MSRA: variants seen among roughly 807,000 people sequenced by gnomAD.
MSRA encodes mitochondrial peptide methionine sulfoxide reductase.
MSRA carries 54 observed loss-of-function variants against 31.3 expected under a neutral mutation model. That is an observed-to-expected ratio of 1.73 (90% CI 1.39 to 2.17). MSRA has a LOEUF of 2.17. Ranked by LOEUF, MSRA falls within the 30% of genes most tolerant of loss-of-function variation. The pLI is 0.00. For synonymous variants in MSRA, 169 were observed against 116.5 expected (o/e 1.45, Z -2.90); for missense variants, 507 against 300.9 (o/e 1.69, Z -5.07).
chr8:10,185,986 G>A (rs2129051779), intron 1 of MSRA, among the ~76,000 whole-genome samples: 1 of 152,148 alleles, frequency 6.6e-6, no homozygotes, highest in South Asian at 2.1e-4. Flanking sequence ...GGAACCCATG[G>A]GAGCTGCACA....
intron 5 of MSRA, among the ~76,000 whole-genome samples, chr8:10,358,565 CTTTT>C (rs59106668): frequency 3.1e-5 from 2 of 64,002 alleles, no homozygotes; most frequent in Non-Finnish European, 2.6e-5. Flanking sequence ...GCATTAGATT[CTTTT>C]TTTTTTTTTT....
At chr8:10,422,718 G>A (rs7831557) in intron 5 of MSRA, among the ~76,000 whole-genome samples, 59,298 of 152,144 alleles carry the variant, frequency 0.39, 13,233 homozygotes, top group Non-Finnish European at 0.51. Context: ...TGTGAGACTG[G>A]CTGTCAGTAC....
intron 1 of MSRA, among the ~76,000 whole-genome samples, chr8:10,151,665 CAA>C (rs1176614704): frequency 2.0e-5 from 3 of 152,042 alleles, no homozygotes; most frequent in Non-Finnish European, 4.4e-5. Context: ...CAAAACAAAA[CAA>C]AGAGAACATT....
At chr8:10,390,036 C>G (rs1298203262) in intron 5 of MSRA, among the ~76,000 whole-genome samples, 1 of 152,222 alleles carries the variant, frequency 6.6e-6, no homozygotes, top group Non-Finnish European at 1.5e-5. Flanking sequence ...CCCGAGCCCA[C>G]TCCCCATGTG....
chr8:10,354,731 AAT>A (rs1287058383), intron 5 of MSRA, among the ~76,000 whole-genome samples: 4 of 121,430 alleles, frequency 3.3e-5, no homozygotes, highest in African/African-American at 5.9e-5. Context: ...CCAGTTATGT[AAT>A]ATGTGTGTGT....
chr8:10,247,918 G>C (rs567552507), intron 3 of MSRA, among the ~76,000 whole-genome samples: 12 of 152,094 alleles, frequency 7.9e-5, no homozygotes, highest in Non-Finnish European at 1.5e-5. Context: ...AAGGTCCCTC[G>C]CTAGAGTAAT....
chr8:10,427,653 A>G (rs957799495), intron 5 of MSRA, among the ~76,000 whole-genome samples: 8 of 152,108 alleles, frequency 5.3e-5, no homozygotes, highest in Non-Finnish European at 8.8e-5. Flanking sequence ...TGGTGGGCAG[A>G]TGCGATAGTG....
intron 1 of MSRA, among the ~76,000 whole-genome samples, chr8:10,152,359 C>T (rs564882110): frequency 6.6e-6 from 1 of 152,228 alleles, no homozygotes; most frequent in East Asian, 1.9e-4. Flanking sequence ...TTTTATGACT[C>T]AGAGGGAATG....
rs1267162779 is a variant in MSRA, at chr8:10,054,445, C to A, written c.-72C>A. On this transcript the variant is annotated 5_prime_UTR_variant, in exon 1 of 6. The change creates a new upstream start codon in the 5' untranslated region. Coordinates refer to ENST00000317173, the MANE Select transcript of MSRA (RefSeq NM_012331.5). ...CGGTTCCGGCCGCGGACCCCACTCT[C>A]TGCCGTTCCGGCTGCGGCTCCGCTG... 41 of 1,426,108 alleles carry A rather than the reference C, an allele frequency of 2.9e-5. No homozygotes were observed. Among genetic ancestry groups the A allele is most frequent in the Non-Finnish European group, 3.8e-5 (41 of 1,072,194 alleles). 88.3% of individuals were successfully genotyped at this position (1,426,108 alleles called of 1,614,324 possible).
intron 5 of MSRA, among the ~76,000 whole-genome samples, chr8:10,406,475 A>G (rs1248499770): frequency 1.3e-5 from 2 of 152,172 alleles, no homozygotes; most frequent in South Asian, 2.1e-4. Context: ...CTTTCAGGTA[A>G]TGAAAGCAAA....
chr8:10,341,112 A>G (rs2129150523), intron 5 of MSRA, among the ~76,000 whole-genome samples: 1 of 152,356 alleles, frequency 6.6e-6, no homozygotes, highest in East Asian at 1.9e-4. Flanking sequence ...GGGTGGGGCC[A>G]GGAAATATGA....
At chr8:10,380,859 C>A (rs1049636661) in intron 5 of MSRA, among the ~76,000 whole-genome samples, 32 of 141,978 alleles carry the variant, frequency 2.3e-4, no homozygotes, top group Non-Finnish European at 3.0e-4. Context: ...GGCTGGCTGG[C>A]TGGATGGCTG....
At position 10,283,826 on chromosome 8, in the gene MSRA, T is replaced by C. The variant is rs1387335439; in HGVS notation, c.332-17708T>C. Among the ~76,000 whole-genome samples, 245 of 68,390 alleles carry C rather than the reference T, an allele frequency of 3.6e-3. 1 individual carries two copies. The highest frequency in any genetic ancestry group is 0.012 in the African/African-American group (213 of 18,420). The allele number at this position is 68,390 out of a possible 152,430, so 44.9% of individuals were successfully genotyped here. On this transcript the variant is annotated intron_variant, in intron 3 of 5. Coordinates refer to ENST00000317173, the MANE Select transcript of MSRA (RefSeq NM_012331.5). ...TCATATATATATATATATATATATA[T>C]ATATATATATACACACACACACACA...
At chr8:10,316,882 C>T (rs191707644) in intron 4 of MSRA, among the ~76,000 whole-genome samples, 6 of 152,264 alleles carry the variant, frequency 3.9e-5, no homozygotes, top group African/African-American at 1.4e-4. Flanking sequence ...TTCACAGAGA[C>T]CCTACTTTCC....
chr8:10,060,004 G>T (rs1400884235), intron 1 of MSRA, among the ~76,000 whole-genome samples: 1 of 152,168 alleles, frequency 6.6e-6, no homozygotes, highest in African/African-American at 2.4e-5. Flanking sequence ...CTTGTACATG[G>T]CTGGCAAGAG....
intron 5 of MSRA, among the ~76,000 whole-genome samples, chr8:10,426,961 G>T (rs1360639186): frequency 3.8e-5 from 1 of 26,334 alleles, no homozygotes; most frequent in Non-Finnish European, 8.8e-5. Flanking sequence ...GCCCCTTGTC[G>T]TTCCGGACCT....
chr8:10,080,152 A>T (rs1798219046), intron 1 of MSRA, among the ~76,000 whole-genome samples: 1 of 152,146 alleles, frequency 6.6e-6, no homozygotes, highest in African/African-American at 2.4e-5. Context: ...AAGAAGATGG[A>T]GGCCTAGCAG....
At chr8:10,134,069 C>T (rs750358184) in intron 1 of MSRA, among the ~76,000 whole-genome samples, 4 of 152,124 alleles carry the variant, frequency 2.6e-5, no homozygotes, top group African/African-American at 9.7e-5. Context: ...TGACCTCAGG[C>T]GATCTGCCCA....
chr8:10,400,222 C>G (rs1233410108), intron 5 of MSRA, among the ~76,000 whole-genome samples: 2 of 151,764 alleles, frequency 1.3e-5, no homozygotes, highest in Non-Finnish European at 2.9e-5. Flanking sequence ...TGGGATCGGG[C>G]TGGGGCAGGG....
Sources: gnomAD v4.1 joint callset for allele counts (sites outside exome capture counted in the v4.1 genomes callset) on GRCh38, gnomAD v4.1.1 for gene constraint, MANE v1.5 for transcripts, NCBI Gene and HGNC (gene_info 2026-07-23, HGNC 2026-07-21) for gene names.